Variants in EFCAB11 observed in about 807,000 individuals in gnomAD.
The protein encoded by EFCAB11 is EF-hand calcium binding domain 11.
EFCAB11 carries 14 observed loss-of-function variants against 23.0 expected under a neutral mutation model. That is an observed-to-expected ratio of 0.61 (90% CI 0.40 to 0.95). The LOEUF (loss-of-function observed/expected upper bound fraction) is 0.95, where lower values mean the gene tolerates loss of function less well. EFCAB11 is among the 40% of genes least tolerant of loss of function. The pLI is 0.00. For synonymous variants in EFCAB11, 65 were observed against 66.6 expected (o/e 0.98, Z 0.11); for missense variants, 198 against 195.8 (o/e 1.01, Z -0.07).
At chr14:89,849,499 G>A (rs563194995) in intron 5 of EFCAB11, among the ~76,000 whole-genome samples, 30 of 152,294 alleles carry the variant, frequency 2.0e-4, no homozygotes, top group Admixed American at 3.3e-4. Flanking sequence ...TTAGTGTCTA[G>A]GGGGTTTTGC....
chr14:89,815,646 G>A (rs1301438557), intron 5 of EFCAB11, among the ~76,000 whole-genome samples: 1 of 151,972 alleles, frequency 6.6e-6, no homozygotes, highest in Non-Finnish European at 1.5e-5. Context: ...GGATGGTCTC[G>A]AACTCCTGAC....
intron 5 of EFCAB11, among the ~76,000 whole-genome samples, chr14:89,904,734 G>A (rs981584025): frequency 6.6e-6 from 1 of 152,190 alleles, no homozygotes; most frequent in African/African-American, 2.4e-5. Context: ...CAGTGATGAT[G>A]AGCATTTTTG....
chr14:89,865,866 C>T (rs561096727), intron 5 of EFCAB11, among the ~76,000 whole-genome samples: 9 of 152,050 alleles, frequency 5.9e-5, no homozygotes, highest in African/African-American at 1.9e-4. Context: ...TGGGGTTTCA[C>T]CATGTTGGCC....
intron 3 of EFCAB11, among the ~76,000 whole-genome samples, chr14:89,939,529 C>T (rs1890718416): frequency 6.6e-6 from 1 of 152,180 alleles, no homozygotes; most frequent in Admixed American, 6.5e-5. Context: ...CTGGCACCTG[C>T]CCTGCATTCA....
chr14:89,892,448 T>C (rs1362190977), intron 5 of EFCAB11: 10 of 1,543,910 alleles, frequency 6.5e-6, no homozygotes, highest in Non-Finnish European at 8.7e-6. Flanking sequence ...GTGTTGACTC[T>C]AGGAGAGAAA....
intron 5 of EFCAB11, among the ~76,000 whole-genome samples, chr14:89,910,107 C>A (rs911140611): frequency 2.6e-5 from 4 of 152,132 alleles, no homozygotes; most frequent in African/African-American, 9.7e-5. Context: ...TCATACAATC[C>A]CAGTATCTGC....
intron 5 of EFCAB11, among the ~76,000 whole-genome samples, chr14:89,803,345 G>A (rs1885850324): frequency 6.6e-6 from 1 of 152,202 alleles, no homozygotes; most frequent in Non-Finnish European, 1.5e-5. Flanking sequence ...AATGAGCCCA[G>A]AGAAGACCCC....
intron 5 of EFCAB11, among the ~76,000 whole-genome samples, chr14:89,797,701 G>A (rs1885621661): frequency 6.6e-6 from 1 of 152,192 alleles, no homozygotes; most frequent in Non-Finnish European, 1.5e-5. Context: ...GGAGGCCAAG[G>A]TGGGTGGATC....
chr14:89,809,997 C>G (rs747699736), intron 5 of EFCAB11, among the ~76,000 whole-genome samples: 8 of 152,210 alleles, frequency 5.3e-5, no homozygotes, highest in Non-Finnish European at 1.0e-4. Context: ...TTTTCTGTAG[C>G]CTATGGTACA....
intron 3 of EFCAB11, 27 bp from the exon 4 acceptor site, chr14:89,932,654 T>C: frequency 1.3e-6 from 2 of 1,551,160 alleles, no homozygotes; most frequent in Non-Finnish European, 1.8e-6. Flanking sequence ...AAACAATTTG[T>C]CAAAGATTAT....
rs544330040 is a variant in EFCAB11, at chr14:89,804,110, G to A, written c.411-6786C>T. ...AGCCATTGCTGGGAAAGCCTCACCC[G>A]AGCCAGTAGCAGTATCTTTTGCTGT... On this transcript the variant is annotated intron_variant, in intron 5 of 5. Transcript: ENST00000316738. Among the ~76,000 whole-genome samples, 8 of 152,294 alleles carry A rather than the reference G, an allele frequency of 5.3e-5. No individual in the cohort carries two copies. The East Asian group carries it at 7.7e-4, about 15-fold the overall frequency.
chr14:89,946,345 G>A (rs1890984191), intron 3 of EFCAB11, among the ~76,000 whole-genome samples: 1 of 152,124 alleles, frequency 6.6e-6, no homozygotes, highest in Non-Finnish European at 1.5e-5. Context: ...GTTCAGTACA[G>A]TATATATTTC....
intron 5 of EFCAB11, among the ~76,000 whole-genome samples, chr14:89,812,668 G>A (rs1363716792): frequency 6.6e-6 from 1 of 152,128 alleles, no homozygotes; most frequent in Non-Finnish European, 1.5e-5. Context: ...AAGTGATAAA[G>A]GCATTATATA....
At chr14:89,835,880 G>A (rs1253937489) in intron 5 of EFCAB11, among the ~76,000 whole-genome samples, 9 of 151,140 alleles carry the variant, frequency 6.0e-5, no homozygotes, top group Admixed American at 1.3e-4. Flanking sequence ...TACCTGCCTC[G>A]GCCTCCCAAA....
intron 5 of EFCAB11, among the ~76,000 whole-genome samples, chr14:89,838,867 T>C (rs746722762): frequency 6.6e-6 from 1 of 152,240 alleles, no homozygotes; most frequent in Non-Finnish European, 1.5e-5. Context: ...ATGTGTTTCC[T>C]GGTAATGATC....
intron 5 of EFCAB11, chr14:89,837,166 A>G (rs1318431639): frequency 2.2e-6 from 1 of 455,066 alleles, no homozygotes; most frequent in Admixed American, 2.3e-5. Context: ...CAGAAATAAC[A>G]GATACACTAT....
rs142824128 is a variant in EFCAB11, at chr14:89,798,335, T to C, written c.411-1011A>G. 2.5e-3 allele frequency among the ~76,000 whole-genome samples: 379 copies of C among 152,386 alleles called. 2 individuals carry two copies. The highest frequency in any genetic ancestry group is 0.012 in the East Asian group (61 of 5,190). On this transcript the variant is annotated intron_variant, in intron 5 of 5. Coordinates refer to ENST00000316738, the MANE Select transcript of EFCAB11 (RefSeq NM_145231.4). ...GTTGCAGTGTGTTCATATAAAATGA[T>C]TGCAGACTGCAGAGGCCATTATTCT...
intron 2 of EFCAB11, among the ~76,000 whole-genome samples, chr14:89,951,140 T>C (rs1341828147): frequency 6.6e-6 from 1 of 152,232 alleles, no homozygotes; most frequent in East Asian, 1.9e-4. Context: ...AGCCAGCATA[T>C]TATTTAACGA....
chr14:89,871,789 A>G lies in EFCAB11; in HGVS notation c.410+59752T>C, dbSNP rs547530229. Among the ~76,000 whole-genome samples, 40 of 152,324 alleles carry G rather than the reference A, an allele frequency of 2.6e-4. No homozygotes were observed. In the South Asian group the frequency reaches 2.7e-3, roughly 10 times the overall value. ...TACACCTTTTCCCCCTGACTCCATC[A>G]GATTTCCCATGTCACTGCTAATGTA... On this transcript the variant is annotated intron_variant, in intron 5 of 5. Transcript: ENST00000316738.
Sources: gnomAD v4.1 joint callset for allele counts (sites outside exome capture counted in the v4.1 genomes callset) on GRCh38, gnomAD v4.1.1 for gene constraint, MANE v1.5 for transcripts, NCBI Gene and HGNC (gene_info 2026-07-23, HGNC 2026-07-21) for gene names.